CHL1: variants seen among roughly 807,000 people sequenced by gnomAD.
The protein encoded by CHL1 is cell adhesion molecule L1 like.
In CHL1, 96 loss-of-function variants were observed where a neutral mutation model predicts 141.9. That is an observed-to-expected ratio of 0.68 (90% CI 0.57 to 0.80). CHL1 has a LOEUF of 0.80. Among genes scored for constraint, CHL1 ranks in the 30% least tolerant of loss-of-function variants. CHL1 has a pLI of 0.00. For synonymous variants in CHL1, 613 were observed against 502.2 expected (o/e 1.22, Z -2.95); for missense variants, 1,820 against 1,457.2 (o/e 1.25, Z -4.05).
At chr3:217,175 A>G (rs1000085372) in intron 1 of CHL1, among the ~76,000 whole-genome samples, 9 of 152,120 alleles carry the variant, frequency 5.9e-5, no homozygotes, top group Non-Finnish European at 1.2e-4. Context: ...AAAAAGAACA[A>G]TAACAGAAAA....
At chr3:284,225 C>G (rs1420379447) in intron 2 of CHL1, among the ~76,000 whole-genome samples, 1 of 152,092 alleles carries the variant, frequency 6.6e-6, no homozygotes, top group Non-Finnish European at 1.5e-5. Flanking sequence ...AGGGGGGCTG[C>G]ATGAGATTAG....
chr3:360,475 G>C (rs779057490), intron 12 of CHL1, 51 bp downstream of exon 12: 18 of 1,590,342 alleles, frequency 1.1e-5, no homozygotes, highest in Non-Finnish European at 1.5e-5. Context: ...AAGGAAAGTG[G>C]TCAAGGTCAT....
At chr3:367,761 A>G (rs1476872301) in intron 15 of CHL1, among the ~76,000 whole-genome samples, 2 of 152,112 alleles carry the variant, frequency 1.3e-5, no homozygotes, top group East Asian at 3.9e-4. Flanking sequence ...TGCTGCACCT[A>G]TTGACCTGTC....
intron 23 of CHL1, among the ~76,000 whole-genome samples, chr3:393,327 C>CA (rs1266684439): frequency 4.6e-5 from 7 of 150,836 alleles, no homozygotes; most frequent in South Asian, 4.2e-4. Flanking sequence ...AACTGGTTTT[C>CA]AAAAAAATTG....
intron 2 of CHL1, among the ~76,000 whole-genome samples, chr3:319,412 A>G (rs1351049405): frequency 1.3e-5 from 2 of 151,876 alleles, no homozygotes; most frequent in African/African-American, 2.4e-5. Flanking sequence ...ACTCATGTGT[A>G]TAATATCATA....
At chr3:340,640 A>G (rs568406321) in intron 5 of CHL1, among the ~76,000 whole-genome samples, 154 bp from the exon 6 acceptor site, 2 of 152,292 alleles carry the variant, frequency 1.3e-5, no homozygotes, top group South Asian at 2.1e-4. Flanking sequence ...TCTTAATAGT[A>G]TTTAACTCTG....
In CHL1 at chr3:209,328, C is replaced by T. The variant is rs1478879096; in HGVS notation, c.-175+12265C>T. On this transcript the variant is annotated intron_variant, in intron 1 of 27. Transcript: ENST00000256509. Reference sequence around the variant, plus strand: ...ATTCATTCTAAGACAAAATAAGTTACATTTAATATATTTCTTCCGCAAGAG... The same window carrying T: ...ATTCATTCTAAGACAAAATAAGTTATATTTAATATATTTCTTCCGCAAGAG... Among the ~76,000 whole-genome samples the T allele has an allele frequency of 3.3e-5, 5 of 152,160 alleles. No individual in the cohort carries two copies. The South Asian group carries it at 6.2e-4, about 19-fold the overall frequency.
intron 2 of CHL1, among the ~76,000 whole-genome samples, chr3:312,098 T>C (rs888967420): frequency 1.3e-5 from 2 of 152,226 alleles, no homozygotes; most frequent in Non-Finnish European, 2.9e-5. Flanking sequence ...TTATATTCAA[T>C]TATATTCCAG....
At chr3:208,101 T>A (rs865863016) in intron 1 of CHL1, among the ~76,000 whole-genome samples, 1 of 152,202 alleles carries the variant, frequency 6.6e-6, no homozygotes, top group Non-Finnish European at 1.5e-5. Flanking sequence ...TTTGAAAACT[T>A]GTAATGAGCT....
At chr3:386,460 C>T (rs985306233) in intron 19 of CHL1, among the ~76,000 whole-genome samples, 9 of 152,068 alleles carry the variant, frequency 5.9e-5, no homozygotes, top group Non-Finnish European at 1.3e-4. Context: ...TTTGAGTGTT[C>T]GAACATCATA....
intron 1 of CHL1, among the ~76,000 whole-genome samples, chr3:237,370 G>T (rs181938151): frequency 2.6e-5 from 4 of 152,320 alleles, no homozygotes; most frequent in Admixed American, 1.3e-4. Context: ...ATGCAGAACT[G>T]TGAGTCAATT....
At chr3:390,354 A>G (rs1466452304) in intron 20 of CHL1, among the ~76,000 whole-genome samples, 1 of 152,222 alleles carries the variant, frequency 6.6e-6, no homozygotes, top group Non-Finnish European at 1.5e-5. Flanking sequence ...GTTAGCTGTT[A>G]TTAATATTTG....
intron 2 of CHL1, among the ~76,000 whole-genome samples, chr3:273,743 A>T (rs1344420075): frequency 6.6e-6 from 1 of 152,142 alleles, no homozygotes; most frequent in Non-Finnish European, 1.5e-5. Flanking sequence ...TTTTTAAGTT[A>T]TAATGTTTCT....
At chr3:382,363 GT>G (rs1707155247) in intron 17 of CHL1, 83 bp downstream of exon 17, 1 of 1,474,042 alleles carries the variant, frequency 6.8e-7, no homozygotes, top group African/African-American at 1.4e-5. Flanking sequence ...ACTCTTACTG[GT>G]TTATTCTTCT....
intron 1 of CHL1, among the ~76,000 whole-genome samples, chr3:234,812 T>C (rs951788038): frequency 4.6e-5 from 7 of 152,090 alleles, no homozygotes; most frequent in Admixed American, 3.3e-4. Context: ...AGACACAGAA[T>C]AGTCAAGTAA....
intron 10 of CHL1, among the ~76,000 whole-genome samples, chr3:353,271 T>C (rs1275528643): frequency 6.6e-6 from 1 of 152,224 alleles, no homozygotes; most frequent in South Asian, 2.1e-4. Context: ...ATAAATATGA[T>C]ATGCCATAAT....
At chr3:324,144 G>T (rs553044299) in intron 3 of CHL1, among the ~76,000 whole-genome samples, 1 of 151,830 alleles carries the variant, frequency 6.6e-6, no homozygotes, top group African/African-American at 2.4e-5. Context: ...AGACCAACAC[G>T]TTGAGAACAA....
At chr3:252,852 A>C (rs1693828700) in intron 2 of CHL1, among the ~76,000 whole-genome samples, 1 of 152,076 alleles carries the variant, frequency 6.6e-6, no homozygotes, top group Non-Finnish European at 1.5e-5. Flanking sequence ...TACGCTTTTC[A>C]TTAGTGAATG....
intron 1 of CHL1, chr3:213,689 C>G (rs1053896890): frequency 2.0e-5 from 3 of 152,112 alleles, no homozygotes; most frequent in Admixed American, 6.6e-5. Flanking sequence ...AAGATTATTT[C>G]CAGCTTGTGC....
Sources: allele counts gnomAD v4.1 joint callset (sites outside exome capture counted in the v4.1 genomes callset), GRCh38; gene constraint gnomAD v4.1.1; transcripts MANE v1.5; gene names NCBI Gene and HGNC (gene_info 2026-07-23, HGNC 2026-07-21).